Variants in PRUNE2 observed in about 807,000 individuals in gnomAD.
The protein encoded by PRUNE2 is prune homolog 2 with BCH domain.
A neutral mutation model predicts 252.0 loss-of-function variants in PRUNE2; 164 were observed. The ratio of observed to expected loss-of-function variants is 0.65; its 90% CI spans 0.57 to 0.74. The LOEUF is 0.74. PRUNE2 is among the 30% of genes least tolerant of loss of function. The probability of loss-of-function intolerance (pLI) is 0.00; values close to 1 mark genes in which losing one functional copy is unlikely to be tolerated. For missense variants in PRUNE2, 3,495 were observed against 3,711.0 expected, an observed-to-expected ratio of 0.94 and a Z score of 1.51; for synonymous variants, 1,292 against 1,350.2, an observed-to-expected ratio of 0.96 and a Z score of 0.94.
At chr9:76,720,644 T>C (rs1405460042) in intron 6 of PRUNE2, among the ~76,000 whole-genome samples, 1 of 151,756 alleles carries the variant, frequency 6.6e-6, no homozygotes, top group Non-Finnish European at 1.5e-5. Context: ...TTTATGGGAT[T>C]AAATCTGATT....
intron 2 of PRUNE2, 97 bp downstream of exon 2, chr9:76,854,007 A>T: frequency 1.7e-6 from 1 of 583,424 alleles, no homozygotes; most frequent in South Asian, 3.0e-5. Flanking sequence ...AACATTAAAA[A>T]TTAAGTTAAT....
rs542500464 is a variant in PRUNE2 at position 76,713,414 on chromosome 9, C to T, written c.915+149G>A. On this transcript the variant is annotated intron_variant, in intron 7 of 18. Coordinates refer to ENST00000376718, the MANE Select transcript of PRUNE2 (RefSeq NM_015225.3). ...AAAAGGCCAAATGTAAAAAGTACCC[C>T]CATCATTTCCTAAAACTCAAACCTC... 4.6e-5 allele frequency: 22 copies of T among 478,302 alleles called. No individual in the cohort carries two copies. In the South Asian group the frequency reaches 1.9e-3, roughly 40 times the overall value. 29.6% of individuals were successfully genotyped at this position (478,302 alleles called of 1,614,324 possible). A position where few individuals can be genotyped will look rare whatever the true frequency, so the allele number is the denominator to read the frequency against.
intron 6 of PRUNE2, among the ~76,000 whole-genome samples, chr9:76,792,416 CGT>C (rs1288543624): frequency 1.3e-5 from 2 of 152,054 alleles, no homozygotes; most frequent in Non-Finnish European, 2.9e-5. Context: ...TTATTAGCAG[CGT>C]GAGAATGGAC....
chr9:76,644,698 G>A, intron 12 of PRUNE2, 41 bp downstream of exon 12: 1 of 1,587,126 alleles, frequency 6.3e-7, no homozygotes, highest in East Asian at 2.2e-5. Flanking sequence ...TAAAATGGCT[G>A]CCCCTTCCCC....
At chr9:76,905,286 G>T (rs2063418329) in intron 1 of PRUNE2, among the ~76,000 whole-genome samples, 1 of 152,170 alleles carries the variant, frequency 6.6e-6, no homozygotes, top group Admixed American at 6.5e-5. Flanking sequence ...CTAACACACA[G>T]GTCTGCTCCC....
chr9:76,670,524 G>A (rs1458750610), intron 9 of PRUNE2, among the ~76,000 whole-genome samples: 1 of 151,848 alleles, frequency 6.6e-6, no homozygotes, highest in Non-Finnish European at 1.5e-5. Context: ...AAGCAGCCAG[G>A]AAGCTCGAAC....
intron 1 of PRUNE2, among the ~76,000 whole-genome samples, chr9:76,877,173 T>C (rs1205651036): frequency 6.6e-6 from 1 of 151,848 alleles, no homozygotes; most frequent in Non-Finnish European, 1.5e-5. Flanking sequence ...CAGGAAGATG[T>C]GCATTTTAAA....
chr9:76,819,446 G>C (rs74851247), intron 6 of PRUNE2: 6,961 of 152,206 alleles, frequency 0.046, 226 homozygotes, highest in Non-Finnish European at 0.072. Flanking sequence ...GAAGCTAGGG[G>C]ACAGGCATGG....
At chr9:76,647,877 G>A (rs1043180344) in intron 11 of PRUNE2, among the ~76,000 whole-genome samples, 11 of 152,178 alleles carry the variant, frequency 7.2e-5, no homozygotes, top group Admixed American at 6.5e-4. Flanking sequence ...CAGGGGAATC[G>A]CTTGAACCCA....
intron 6 of PRUNE2, chr9:76,759,170 C>T (rs982921470): frequency 1.3e-5 from 2 of 152,194 alleles, no homozygotes; most frequent in Non-Finnish European, 2.9e-5. Flanking sequence ...GGGTCTCCCT[C>T]CCTGGAGACC....
Position 76,612,018 on chromosome 9 carries a change from T to C in PRUNE2, c.*2552A>G, listed in dbSNP as rs556263709. Reference sequence around the variant, plus strand: ...AATCATGTGAATGTTTACCTCTGTCTACCTATCTGCTTAGGGATTATTTTT... The same window carrying C: ...AATCATGTGAATGTTTACCTCTGTCCACCTATCTGCTTAGGGATTATTTTT... On this transcript the variant is annotated 3_prime_UTR_variant, in exon 19 of 19. Transcript: ENST00000376718. 6.5e-6 allele frequency: 1 copy of C among 152,774 alleles called. No individual in the cohort carries two copies. Among genetic ancestry groups the C allele is most frequent in the African/African-American group, 2.4e-5 (1 of 41,588 alleles). The allele number at this position is 152,774 out of a possible 1,614,324, so 9.5% of individuals were successfully genotyped here. A position where few individuals can be genotyped will look rare whatever the true frequency, so the allele number is the denominator to read the frequency against.
At chr9:76,737,695 A>C (rs2135511749) in intron 6 of PRUNE2, 1 of 152,260 alleles carries the variant, frequency 6.6e-6, no homozygotes, top group Non-Finnish European at 1.5e-5. Context: ...TCTTCCATGC[A>C]CTCATTTCAA....
chr9:76,664,159 T>C (rs1270847969), intron 9 of PRUNE2, among the ~76,000 whole-genome samples: 1 of 152,228 alleles, frequency 6.6e-6, no homozygotes. Context: ...GGATGGTAGG[T>C]GACTTCTAAG....
intron 6 of PRUNE2, among the ~76,000 whole-genome samples, chr9:76,757,299 C>A (rs2051243706): frequency 6.6e-6 from 1 of 152,200 alleles, no homozygotes; most frequent in African/African-American, 2.4e-5. Flanking sequence ...GCGAATATTA[C>A]AAGCTAGATT....
At chr9:76,800,689 T>C (rs1326377309) in intron 6 of PRUNE2, among the ~76,000 whole-genome samples, 1 of 152,142 alleles carries the variant, frequency 6.6e-6, no homozygotes, top group East Asian at 1.9e-4. Flanking sequence ...CCTACTCCTC[T>C]GGATATAGAA....
At chr9:76,739,389 A>T (rs1280964152) in intron 6 of PRUNE2, 1 of 152,204 alleles carries the variant, frequency 6.6e-6, no homozygotes, top group East Asian at 1.9e-4. Context: ...TACTCAATAA[A>T]TGACACTATT....
chr9:76,703,693 C>T lies in PRUNE2; in HGVS notation c.7920G>A (p.Glu2640=), dbSNP rs750774120. 1.9e-6 allele frequency: 3 copies of T among 1,613,394 alleles called. No individual in the cohort carries two copies. Among genetic ancestry groups the T allele is most frequent in the Non-Finnish European group, 2.5e-6 (3 of 1,179,860 alleles). ...TGGCATCCAGTGATGGATCACCAAC[C>T]TCACTATGGCCCAAGAACATCCAAC... ...DQSWMFLGHS[E]VGDPSLDARD... is the part of the protein sequence containing the mutation. Residue 2640 remains glutamate (E), a synonymous_variant, in exon 9 of 19, where the codon GAG becomes GAA. Transcript: ENST00000376718.
At chr9:76,837,464 A>ATAATAATAAT (rs2059084716) in intron 4 of PRUNE2, among the ~76,000 whole-genome samples, 1 of 82,322 alleles carries the variant, frequency 1.2e-5, no homozygotes, top group Non-Finnish European at 2.4e-5. Flanking sequence ...AATAATAATA[A>ATAATAATAAT]TAATAATAAT....
chr9:76,701,716 C>G (rs1431800988), intron 9 of PRUNE2, among the ~76,000 whole-genome samples: 1 of 152,102 alleles, frequency 6.6e-6, no homozygotes, highest in African/African-American at 2.4e-5. Context: ...AGCTTTTAAC[C>G]CCTTCTGCAC....
Sources: gnomAD v4.1 joint callset for allele counts (sites outside exome capture counted in the v4.1 genomes callset) on GRCh38, gnomAD v4.1.1 for gene constraint, MANE v1.5 for transcripts, NCBI Gene and HGNC (gene_info 2026-07-23, HGNC 2026-07-21) for gene names.